Variants in SLC14A2 observed in about 807,000 individuals in gnomAD.
SLC14A2 encodes the protein solute carrier family 14 member 2.
SLC14A2 carries 91 observed loss-of-function variants against 104.6 expected under a neutral mutation model. The ratio of observed to expected loss-of-function variants is 0.87; its 90% confidence interval spans 0.73 to 1.04. The LOEUF is 1.04. Ranked by LOEUF, SLC14A2 falls within the 50% of genes least tolerant of loss-of-function variation. The pLI is 0.00. For missense variants in SLC14A2, 1,189 were observed against 1,156.0 expected (o/e 1.03, Z -0.41); for synonymous variants, 476 against 466.4 (o/e 1.02, Z -0.27).
chr18:45,550,155 A>T (rs2044037243), intron 2 of SLC14A2: 1 of 152,206 alleles, frequency 6.6e-6, no homozygotes, highest in Non-Finnish European at 1.5e-5. Flanking sequence ...AAAAGTTTTC[A>T]TTAATAAATG....
intron 1 of SLC14A2, among the ~76,000 whole-genome samples, chr18:45,372,224 A>G (rs2085730341): frequency 6.6e-6 from 1 of 152,100 alleles, no homozygotes; most frequent in African/African-American, 2.4e-5. Context: ...AGGCAGGAGA[A>G]TCGCTTGAGC....
intron 1 of SLC14A2, among the ~76,000 whole-genome samples, chr18:45,377,432 C>T (rs2085787271): frequency 6.6e-6 from 1 of 152,156 alleles, no homozygotes; most frequent in Non-Finnish European, 1.5e-5. Context: ...ACTTTAGACA[C>T]TGGCTTCCAA....
At chr18:45,580,841 G>A (rs796673278) in intron 2 of SLC14A2, among the ~76,000 whole-genome samples, 2 of 152,280 alleles carry the variant, frequency 1.3e-5, no homozygotes, top group African/African-American at 4.8e-5. Context: ...CAGTGGGCAA[G>A]GGATTCAACT....
In SLC14A2 at chr18:45,663,835, T is replaced by A; in HGVS notation, c.1402T>A (p.Ser468Thr). ...AGCAGGCCCAAAGGTGGAGGAGGGCTCGGAGGCTGTGCTCTCCAAGCACAG... is the reference window on the plus strand; with the variant it reads ...AGCAGGCCCAAAGGTGGAGGAGGGCACGGAGGCTGTGCTCTCCAAGCACAG... ...PTAGPKVEEG[S>T]EAVLSKHRSV... The change falls in exon 11 of 20, where the codon TCG becomes ACG. Residue 468 changes from serine (S) to threonine (T), a missense_variant. Coordinates refer to ENST00000255226, the MANE Select transcript of SLC14A2 (RefSeq NM_007163.4). 1 of 1,613,362 alleles carries A rather than the reference T, an allele frequency of 6.2e-7. No individual in the cohort carries two copies. Among genetic ancestry groups the A allele is most frequent in the South Asian group, 1.1e-5 (1 of 91,034 alleles).
At chr18:45,265,679 TC>T (rs2084585099) in intron 1 of SLC14A2, among the ~76,000 whole-genome samples, 1 of 152,206 alleles carries the variant, frequency 6.6e-6, no homozygotes, top group African/African-American at 2.4e-5. Flanking sequence ...GATTTGGCCA[TC>T]ATTTAGTATT....
chr18:45,245,404 C>T (rs543564181), intron 1 of SLC14A2, among the ~76,000 whole-genome samples: 82 of 152,314 alleles, frequency 5.4e-4, no homozygotes, highest in African/African-American at 1.3e-3. Context: ...TTATCACCAT[C>T]GCTGTGACCT....
intron 1 of SLC14A2, among the ~76,000 whole-genome samples, chr18:45,255,052 A>C (rs1172414242): frequency 2.0e-5 from 3 of 152,138 alleles, no homozygotes; most frequent in Non-Finnish European, 4.4e-5. Context: ...TTACCTCCAC[A>C]TGGCCATCTT....
At chr18:45,601,507 T>C (rs2044791012) in intron 2 of SLC14A2, among the ~76,000 whole-genome samples, 1 of 152,210 alleles carries the variant, frequency 6.6e-6, no homozygotes, top group African/African-American at 2.4e-5. Flanking sequence ...GTTGGATCCA[T>C]TCACCACTCA....
At chr18:45,635,386 GA>G (rs1599094919) in intron 5 of SLC14A2, among the ~76,000 whole-genome samples, 2 of 152,182 alleles carry the variant, frequency 1.3e-5, no homozygotes, top group South Asian at 4.1e-4. Flanking sequence ...CAAGAGAGGG[GA>G]AAAACCATCA....
At chr18:45,563,348 G>C (rs2044227651) in intron 2 of SLC14A2, among the ~76,000 whole-genome samples, 1 of 152,198 alleles carries the variant, frequency 6.6e-6, no homozygotes, top group Admixed American at 6.5e-5. Flanking sequence ...GGAACATAAG[G>C]GCAGACCAGT....
intron 1 of SLC14A2, among the ~76,000 whole-genome samples, chr18:45,314,723 T>C (rs1010895068): frequency 6.6e-6 from 1 of 152,150 alleles, no homozygotes; most frequent in Non-Finnish European, 1.5e-5. Flanking sequence ...AACCTGGAGA[T>C]AAAAGAACAA....
At chr18:45,198,844 T>C in the SLC14A2 span, among the ~76,000 whole-genome samples, 1 of 150,586 alleles carries the variant, frequency 6.6e-6, no homozygotes, top group African/African-American at 2.4e-5. Context: ...AATTCCAACA[T>C]GTTTTAAAGA....
intron 2 of SLC14A2, among the ~76,000 whole-genome samples, chr18:45,523,701 T>G (rs2043551092): frequency 6.6e-6 from 1 of 152,086 alleles, no homozygotes; most frequent in South Asian, 2.1e-4. Flanking sequence ...AAATGATACA[T>G]CCTGCCTGTA....
intron 11 of SLC14A2, among the ~76,000 whole-genome samples, chr18:45,665,667 G>A (rs1260435350): frequency 6.9e-6 from 1 of 145,818 alleles, no homozygotes; most frequent in East Asian, 2.0e-4. Context: ...GAAGTGAAGG[G>A]CTTCAACAAC....
chr18:45,359,837 C>T (rs2085593202), intron 1 of SLC14A2, among the ~76,000 whole-genome samples: 1 of 152,180 alleles, frequency 6.6e-6, no homozygotes, highest in South Asian at 2.1e-4. Flanking sequence ...GGCTTCTGTC[C>T]AACTGATGAA....
intron 1 of SLC14A2, among the ~76,000 whole-genome samples, chr18:45,417,658 G>A (rs55633063): frequency 0.034 from 5,234 of 152,172 alleles, 215 homozygotes; most frequent in African/African-American, 0.095. Flanking sequence ...AGATTATGGG[G>A]ACTAAAATTC....
At chr18:45,183,109 G>A in the SLC14A2 span, among the ~76,000 whole-genome samples, 1 of 152,132 alleles carries the variant, frequency 6.6e-6, no homozygotes, top group Non-Finnish European at 1.5e-5. Context: ...ATAAGCCCAA[G>A]TGATGATGAG....
At chr18:45,666,011 G>C in intron 11 of SLC14A2, 126 bp from the exon 12 acceptor site, 3 of 658,638 alleles carry the variant, frequency 4.6e-6, no homozygotes, top group Non-Finnish European at 5.5e-6. Context: ...ATGATTCTGT[G>C]CTTCCTCAGT....
intron 1 of SLC14A2, among the ~76,000 whole-genome samples, chr18:45,304,750 C>G (rs2085001164): frequency 6.6e-6 from 1 of 152,096 alleles, no homozygotes; most frequent in South Asian, 2.1e-4. Flanking sequence ...CCCCAGGGAC[C>G]CTGAGATGTA....
Sources: allele counts gnomAD v4.1 joint callset (sites outside exome capture counted in the v4.1 genomes callset), GRCh38; gene constraint gnomAD v4.1.1; transcripts MANE v1.5; gene names NCBI Gene and HGNC (gene_info 2026-07-23, HGNC 2026-07-21).